DLAT: variants seen among roughly 807,000 people sequenced by gnomAD.
DLAT encodes the protein dihydrolipoamide S-acetyltransferase.
In DLAT, 43 loss-of-function variants were observed where a neutral mutation model predicts 68.0. The observed-to-expected ratio is 0.63, with a 90% CI of 0.50 to 0.81. The LOEUF is 0.81. DLAT is among the 40% of genes least tolerant of loss of function. The pLI, the probability that DLAT is intolerant of heterozygous loss-of-function variation, is 0.00. For synonymous variants in DLAT, 265 were observed against 288.6 expected (o/e 0.92, Z 0.83); for missense variants, 745 against 815.4 (o/e 0.91, Z 1.05).
intron 11 of DLAT, among the ~76,000 whole-genome samples, chr11:112,053,087 C>T (rs1483631506): frequency 2.0e-5 from 3 of 151,954 alleles, no homozygotes; most frequent in African/African-American, 4.8e-5. Context: ...TTTGAGAGGC[C>T]GAGGCAGGTG....
chr11:112,042,285 G>A lies in DLAT; in HGVS notation c.1130-1181G>A, dbSNP rs961167529. ...AACTCCTAAGTCAGGAAATTCTTGT[G>A]GGTGGCTGAAGCTTAGCATAAGGCA... On this transcript the variant is annotated intron_variant, in intron 7 of 13. Coordinates refer to ENST00000280346, the MANE Select transcript of DLAT (RefSeq NM_001931.5). 2.0e-5 allele frequency among the ~76,000 whole-genome samples: 3 copies of A among 152,184 alleles called. No homozygotes were observed. In the East Asian group the frequency reaches 5.8e-4, roughly 29 times the overall value.
chr11:112,047,944 A>G (rs797041761), intron 10 of DLAT, among the ~76,000 whole-genome samples: 1 of 152,140 alleles, frequency 6.6e-6, no homozygotes, highest in Non-Finnish European at 1.5e-5. Context: ...TCTTGGCTAT[A>G]CGGGCCCTTT....
At chr11:112,026,986 G>C (rs1402090264) in intron 2 of DLAT, among the ~76,000 whole-genome samples, 4 of 151,524 alleles carry the variant, frequency 2.6e-5, no homozygotes, top group Middle Eastern at 3.4e-3. Context: ...CTGGCTGGGC[G>C]GGGGGCTGGC....
chr11:112,028,594 C>T lies in DLAT; in HGVS notation c.461C>T (p.Thr154Ile), dbSNP rs1555179654. ...GCAAAGATACTTGTTGCTGAAGGTA[C>T]CAGGGATGTTCCCATCGGAGCGATC... is the stretch of plus-strand genomic sequence containing the variant. Reference protein sequence around the residue: ...YMAKILVAEGTRDVPIGAIIC... With the variant: ...YMAKILVAEGIRDVPIGAIIC... The change falls in exon 3 of 14, where the codon ACC becomes ATC. Residue 154 changes from threonine (T) to isoleucine (I), a missense_variant. Physicochemically the swap from Thr to Ile is moderately conservative, Grantham distance 89. Transcript: ENST00000280346. 2 of 1,613,994 alleles carry T rather than the reference C, an allele frequency of 1.2e-6. No individual in the cohort carries two copies. The highest frequency in any genetic ancestry group is 2.2e-5 in the South Asian group (2 of 91,084).
At chr11:112,038,889 A>T (rs1862909617) in intron 6 of DLAT, among the ~76,000 whole-genome samples, 1 of 152,036 alleles carries the variant, frequency 6.6e-6, no homozygotes, top group Non-Finnish European at 1.5e-5. Context: ...AATTAAAAAT[A>T]AAAATCATGT....
chr11:112,043,482 T>A lies in DLAT; in HGVS notation c.1146T>A (p.Gly382=), dbSNP rs1555181164. 1 of 1,614,146 alleles carries A rather than the reference T, an allele frequency of 6.2e-7. No homozygotes were observed. The highest frequency in any genetic ancestry group is 1.7e-5 in the Admixed American group (1 of 60,032). The part of the protein sequence containing the change: ...LTQVKGTGPD[G]RITKKDIDSF... ...CTCTTACAGGGACAGGACCAGATGG[T>A]AGAATCACCAAGAAGGATATCGACT... The change falls in exon 8 of 14, where the codon GGT becomes GGA. Residue 382 remains glycine (G), a synonymous_variant. Coordinates refer to ENST00000280346, the MANE Select transcript of DLAT (RefSeq NM_001931.5).
rs1199301988 is a variant in DLAT at position 112,043,785 on chromosome 11, C to A, written c.1197+252C>A. Among the ~76,000 whole-genome samples, 4 of 152,140 alleles carry A rather than the reference C, an allele frequency of 2.6e-5. No individual in the cohort carries two copies. The East Asian group carries it at 5.8e-4, about 22-fold the overall frequency. ...TATTTGTATATAACTTACCCACATC[C>A]TCTCAAATACTTTAAATCATCTCTA... On this transcript the variant is annotated intron_variant, in intron 8 of 13. Transcript: ENST00000280346.
In DLAT at chr11:112,039,391, G is replaced by A. The variant is rs1555180828; in HGVS notation, c.1123G>A (p.Val375Ile). The change falls in exon 7 of 14, where the codon GTA becomes ATA. Residue 375 changes from valine to isoleucine, a missense_variant. Physicochemically the swap from Val to Ile is conservative, Grantham distance 29 (BLOSUM62 3). Transcript: ENST00000280346. Reference sequence around the variant, plus strand: ...AGAGAAAGGGATTGATCTTACACAAGTAAAAGGTAAATCTGTTTCTATAGA... The same window carrying A: ...AGAGAAAGGGATTGATCTTACACAAATAAAAGGTAAATCTGTTTCTATAGA... ...AVEKGIDLTQ[V>I]KGTGPDGRIT... is the part of the protein sequence containing the mutation. 2 of 1,613,866 alleles carry A rather than the reference G, an allele frequency of 1.2e-6. No individual in the cohort carries two copies. The highest frequency in any genetic ancestry group is 2.2e-5 in the East Asian group (1 of 44,852).
In DLAT at chr11:112,062,881, T is replaced by G; in HGVS notation, c.*346T>G. The stretch of plus-strand genomic sequence containing the variant: ...AAAGACAAGTACATAAAGGTGACCC[T>G]GATGAAACCTTGAAGTTCTGAAATT... On this transcript the variant is annotated 3_prime_UTR_variant, in exon 14 of 14. Coordinates refer to ENST00000280346, the MANE Select transcript of DLAT (RefSeq NM_001931.5). The G allele has an allele frequency of 4.0e-6, 1 of 252,342 alleles. No individual in the cohort carries two copies. Among genetic ancestry groups the G allele is most frequent in the South Asian group, 4.9e-5 (1 of 20,208 alleles). 15.6% of individuals were successfully genotyped at this position (252,342 alleles called of 1,614,324 possible). A position where few individuals can be genotyped will look rare whatever the true frequency, so the allele number is the denominator to read the frequency against.
chr11:112,039,011 T>C (rs1004577780), intron 6 of DLAT, among the ~76,000 whole-genome samples: 3 of 152,188 alleles, frequency 2.0e-5, no homozygotes, highest in Non-Finnish European at 2.9e-5. Flanking sequence ...CATGTTGTTA[T>C]GGAATAAGGT....
intron 1 of DLAT, 49 bp from the exon 2 acceptor site, chr11:112,026,149 A>G: frequency 7.5e-7 from 1 of 1,337,478 alleles, no homozygotes; most frequent in Non-Finnish European, 1.1e-6. Flanking sequence ...CCAGACTGAG[A>G]GTTAGGTAGT....
rs782263423 is a variant in DLAT, at chr11:112,051,237, T to C, written c.1402T>C (p.Leu468=). The change falls in exon 11 of 14, where the codon TTA becomes CTA. Residue 468 remains leucine (L), a synonymous_variant. Coordinates refer to ENST00000280346, the MANE Select transcript of DLAT (RefSeq NM_001931.5). The surrounding 1 kb of genome is among the most constrained non-coding windows in gnomAD (Gnocchi z 4.3). ...ACAGTTCTTCTTGTCTTTCCAGATA[T>C]TAGAAGGGAGAAGCAAAATTTCTGT... ...LLVRKELNKI[L]EGRSKISVND... The C allele has an allele frequency of 2.5e-6, 4 of 1,603,412 alleles. No homozygotes were observed. The highest frequency in any genetic ancestry group is 3.4e-6 in the Non-Finnish European group (4 of 1,172,798).
intron 11 of DLAT, among the ~76,000 whole-genome samples, chr11:112,054,970 C>T (rs1863916090): frequency 6.6e-6 from 1 of 152,074 alleles, no homozygotes; most frequent in Non-Finnish European, 1.5e-5. Context: ...GGATTTAGGG[C>T]CACTCAGATA....
In DLAT at chr11:112,051,382, G is replaced by A. The variant is rs373397769; in HGVS notation, c.1514+33G>A. On this transcript the variant is annotated intron_variant, in intron 11 of 13. Coordinates refer to ENST00000280346, the MANE Select transcript of DLAT (RefSeq NM_001931.5). The surrounding 1 kb of genome is among the most constrained non-coding windows in gnomAD (Gnocchi z 4.3). The stretch of plus-strand genomic sequence containing the variant: ...TAACTGGGGAAGATATATATCCATC[G>A]GTAGTTTTCTTGTATTATTTAATGT... 741 of 1,462,854 alleles carry A rather than the reference G, an allele frequency of 5.1e-4. No individual in the cohort carries two copies. Among genetic ancestry groups the A allele is most frequent in the Non-Finnish European group, 6.3e-4 (661 of 1,044,258 alleles). 90.6% of individuals were successfully genotyped at this position (1,462,854 alleles called of 1,614,324 possible). A position where few individuals can be genotyped will look rare whatever the true frequency, so the allele number is the denominator to read the frequency against.
At chr11:112,032,244 C>A (rs1592667374) in intron 4 of DLAT, among the ~76,000 whole-genome samples, 2 of 144,450 alleles carry the variant, frequency 1.4e-5, no homozygotes, top group Admixed American at 6.9e-5. Context: ...CCAGGCTGGG[C>A]AACAGAGTAA....
chr11:112,043,403 C>A, intron 7 of DLAT, 63 bp from the exon 8 acceptor site: 1 of 1,464,324 alleles, frequency 6.8e-7, no homozygotes, highest in Admixed American at 1.7e-5. Context: ...AGGATCACAG[C>A]GTTGATCTCC....
chr11:112,062,612 G>C lies in DLAT; in HGVS notation c.*77G>C. 6.6e-7 allele frequency: 1 copy of C among 1,510,046 alleles called. No homozygotes were observed. The highest frequency in any genetic ancestry group is 1.8e-5 in the Admixed American group (1 of 56,518). The allele number at this position is 1,510,046 out of a possible 1,614,324, so 93.5% of individuals were successfully genotyped here. On this transcript the variant is annotated 3_prime_UTR_variant, in exon 14 of 14. Coordinates refer to ENST00000280346, the MANE Select transcript of DLAT (RefSeq NM_001931.5). Reference sequence around the variant, plus strand: ...AAGATATTTATATGTTATTAAACAGGTGGTTCTTTTTATTTTAACCAGTTA... The same window carrying C: ...AAGATATTTATATGTTATTAAACAGCTGGTTCTTTTTATTTTAACCAGTTA...
intron 10 of DLAT, among the ~76,000 whole-genome samples, chr11:112,046,459 TTTTTG>T (rs1410459525): frequency 6.6e-6 from 1 of 152,050 alleles, no homozygotes; most frequent in Non-Finnish European, 1.5e-5. Context: ...ATCTTGTTAT[TTTTTG>T]TTTTGTTTTG....
chr11:112,060,143 T>C, intron 12 of DLAT, 78 bp downstream of exon 12: 1 of 1,373,726 alleles, frequency 7.3e-7, no homozygotes, highest in Non-Finnish European at 1.0e-6. Context: ...TTTCACCTTT[T>C]GATTCTGTCA....
Sources: gnomAD v4.1 joint callset for allele counts (sites outside exome capture counted in the v4.1 genomes callset) on GRCh38, gnomAD v4.1.1 for gene constraint, Gnocchi (gnomAD v3.1) non-coding constraint, MANE v1.5 for transcripts, NCBI Gene and HGNC (gene_info 2026-07-23, HGNC 2026-07-21) for gene names.